CDK1: variants seen among roughly 807,000 people sequenced by gnomAD.
The protein encoded by CDK1 is cyclin dependent kinase 1, also known as cyclin-dependent kinase 1.
In CDK1, 5 loss-of-function variants were observed where a neutral mutation model predicts 34.6. The ratio of observed to expected loss-of-function variants is 0.14; its 90% CI spans 0.08 to 0.30. CDK1 has a LOEUF of 0.30. CDK1 is among the 10% of genes least tolerant of loss of function. The probability of loss-of-function intolerance (pLI) is 1.00; values close to 1 mark genes in which losing one functional copy is unlikely to be tolerated. For missense variants in CDK1, 157 were observed against 345.7 expected, an observed-to-expected ratio of 0.45 and a Z score of 4.33; for synonymous variants, 108 against 114.7, an observed-to-expected ratio of 0.94 and a Z score of 0.37.
intron 7 of CDK1, 152 bp from the exon 8 acceptor site, chr10:60,793,725 T>G (rs530314821): frequency 3.7e-6 from 2 of 543,668 alleles, no homozygotes; most frequent in South Asian, 4.9e-5. Context: ...AGGAGACATT[T>G]GTGTGTTAAA....
At chr10:60,780,108 C>T (rs1336291198) in intron 1 of CDK1, 33 bp from the exon 2 acceptor site, 1 of 983,236 alleles carries the variant, frequency 1.0e-6, no homozygotes, top group African/African-American at 1.6e-5. Context: ...GAGTTAGTGG[C>T]ATGTAATTAA....
intron 4 of CDK1, chr10:60,786,446 A>G: frequency 1.1e-5 from 7 of 661,446 alleles, no homozygotes; most frequent in Non-Finnish European, 1.3e-5. Flanking sequence ...TACATTTTTG[A>G]TATAATTAAA....
intron 6 of CDK1, 26 bp from the exon 7 acceptor site, chr10:60,792,122 G>T: frequency 1.3e-6 from 2 of 1,598,568 alleles, no homozygotes; most frequent in Non-Finnish European, 1.7e-6. Context: ...TATGCTTTAA[G>T]AAATTTTTAA....
chr10:60,778,518 A>G lies in CDK1; in HGVS notation c.-78A>G, dbSNP rs2080242142. 1 of 152,356 alleles carries G rather than the reference A, an allele frequency of 6.6e-6. No individual in the cohort carries two copies. The highest frequency in any genetic ancestry group is 2.4e-5 in the African/African-American group (1 of 41,416). The allele number at this position is 152,356 out of a possible 1,614,324, so 9.4% of individuals were successfully genotyped here. On this transcript the variant is annotated 5_prime_UTR_variant, in exon 1 of 8. Transcript: ENST00000395284. ...GCTGGCTCTTGGAAATTGAGCGGAG[A>G]GCGACGCGGTTGTTGTAGCTGCCGC... is the stretch of plus-strand genomic sequence containing the variant.
chr10:60,780,775 C>G (rs1433421993), intron 2 of CDK1, among the ~76,000 whole-genome samples: 1 of 152,046 alleles, frequency 6.6e-6, no homozygotes, highest in Non-Finnish European at 1.5e-5. Flanking sequence ...ATGTTTAGAT[C>G]TATATATGGC....
rs1200129016 is a variant in CDK1 at position 60,793,873 on chromosome 10, C to T, written c.796-4C>T. On this transcript the variant is annotated splice_region_variant and splice_polypyrimidine_tract_variant and intron_variant, in intron 7 of 7. Coordinates refer to ENST00000395284, the MANE Select transcript of CDK1 (RefSeq NM_001786.5). ...TAAATATCTCTTTTTCTTTTTTCTC[C>T]CAGAAAATGTTAATCTATGATCCAG... 6.8e-7 allele frequency: 1 copy of T among 1,468,342 alleles called. No individual in the cohort carries two copies. The highest frequency in any genetic ancestry group is 9.3e-7 in the Non-Finnish European group (1 of 1,076,540). 91.0% of individuals were successfully genotyped at this position (1,468,342 alleles called of 1,614,324 possible). A position where few individuals can be genotyped will look rare whatever the true frequency, so the allele number is the denominator to read the frequency against.
intron 5 of CDK1, among the ~76,000 whole-genome samples, chr10:60,790,435 G>A (rs1168845024): frequency 2.6e-5 from 4 of 152,086 alleles, no homozygotes; most frequent in Non-Finnish European, 5.9e-5. Context: ...TTTTAGAGAC[G>A]GGGCTGTCAG....
intron 4 of CDK1, among the ~76,000 whole-genome samples, chr10:60,787,422 A>G (rs564952894): frequency 1.1e-4 from 17 of 152,126 alleles, no homozygotes; most frequent in Non-Finnish European, 2.1e-4. Context: ...TTTGAACACC[A>G]CTTGTCCCTC....
chr10:60,789,559 C>A lies in CDK1; in HGVS notation c.489+1329C>A, dbSNP rs1042635414. ...ACAGAATTTCATTCTTTTTTTATGG[C>A]TGAGTAGTATTCTAGTATTCCATTG... is the stretch of plus-strand genomic sequence containing the variant. On this transcript the variant is annotated intron_variant, in intron 5 of 7. Coordinates refer to ENST00000395284, the MANE Select transcript of CDK1 (RefSeq NM_001786.5). Among the ~76,000 whole-genome samples the A allele has an allele frequency of 3.2e-4, 49 of 151,990 alleles. 1 individual carries two copies. Among genetic ancestry groups the A allele is most frequent in the Admixed American group, 2.9e-3 (45 of 15,258 alleles).
chr10:60,791,975 C>T lies in CDK1; in HGVS notation c.575C>T (p.Thr192Ile). Residue 192 changes from threonine (T) to isoleucine (I), a missense_variant, in exon 6 of 8, where the codon ACC becomes ATC. Physicochemically the swap from Thr to Ile is moderately conservative, Grantham distance 89 (BLOSUM62 -1). This residue lies in a region of CDK1 where 102 missense variants were observed against 233.6 expected (regional missense o/e 0.44). Coordinates refer to ENST00000395284, the MANE Select transcript of CDK1 (RefSeq NM_001786.5). ...CCAGTTGACATTTGGAGTATAGGCACCATATTTGCTGAACTAGCAACTAAG... is the reference window on the plus strand; with the variant it reads ...CCAGTTGACATTTGGAGTATAGGCATCATATTTGCTGAACTAGCAACTAAG... ...STPVDIWSIG[T>I]IFAELATKKP... 6.2e-7 allele frequency: 1 copy of T among 1,610,762 alleles called. No individual in the cohort carries two copies. Among genetic ancestry groups the T allele is most frequent in the Non-Finnish European group, 8.5e-7 (1 of 1,177,156 alleles).
At chr10:60,783,705 C>T (rs1183435737) in intron 2 of CDK1, 2 of 152,264 alleles carry the variant, frequency 1.3e-5, no homozygotes, top group East Asian at 3.9e-4. Flanking sequence ...AGCTAGTCTT[C>T]TCCCTTATTG....
chr10:60,792,364 A>G (rs2080366641), intron 7 of CDK1, 75 bp downstream of exon 7: 1 of 1,337,496 alleles, frequency 7.5e-7, no homozygotes, highest in African/African-American at 1.5e-5. Flanking sequence ...TTTTGCCTAG[A>G]AAATAGGAAG....
chr10:60,793,976 CT>C lies in CDK1; in HGVS notation c.*4del. The C allele has an allele frequency of 3.4e-6, 5 of 1,463,414 alleles. No individual in the cohort carries two copies. The highest frequency in any genetic ancestry group is 4.6e-6 in the Non-Finnish European group (5 of 1,085,884). 90.7% of individuals were successfully genotyped at this position (1,463,414 alleles called of 1,614,324 possible). A position where few individuals can be genotyped will look rare whatever the true frequency, so the allele number is the denominator to read the frequency against. The stretch of plus-strand genomic sequence containing the variant: ...GGACAATCAGATTAAGAAGATGTAG[CT>C]TTCTGACAAAAAGTTTCCATATGTT... On this transcript the variant is annotated 3_prime_UTR_variant, in exon 8 of 8. Transcript: ENST00000395284.
chr10:60,780,455 T>C lies in CDK1; in HGVS notation c.37+253T>C, dbSNP rs3213029. Among the ~76,000 whole-genome samples the C allele has an allele frequency of 8.9e-3, 1,358 of 152,272 alleles. 18 individuals are homozygous for C. The highest frequency in any genetic ancestry group is 0.031 in the African/African-American group (1,300 of 41,552). ...ACAGTCTTCTGATACTAAACACTTATAGTAGTACTTGTATTTTGAAGACAC... is the reference window on the plus strand; with the variant it reads ...ACAGTCTTCTGATACTAAACACTTACAGTAGTACTTGTATTTTGAAGACAC... On this transcript the variant is annotated intron_variant, in intron 2 of 7. Transcript: ENST00000395284.
chr10:60,779,325 G>T (rs1182925807), intron 1 of CDK1, among the ~76,000 whole-genome samples: 2 of 151,988 alleles, frequency 1.3e-5, no homozygotes, highest in Admixed American at 6.6e-5. Flanking sequence ...AGGTAATTAT[G>T]CCTGGAGTTC....
intron 1 of CDK1, 78 bp from the exon 2 acceptor site, chr10:60,780,063 T>C: frequency 1.4e-6 from 1 of 732,730 alleles, no homozygotes; most frequent in Non-Finnish European, 2.5e-6. Flanking sequence ...GAAAATGCTT[T>C]ACATATAGTG....
intron 5 of CDK1, among the ~76,000 whole-genome samples, chr10:60,788,851 A>G (rs2080336216): frequency 6.6e-6 from 1 of 152,144 alleles, no homozygotes; most frequent in Admixed American, 6.5e-5. Context: ...CTGTCTCCAG[A>G]TCAAAACTAG....
At chr10:60,779,547 C>T (rs2132059960) in intron 1 of CDK1, among the ~76,000 whole-genome samples, 1 of 152,156 alleles carries the variant, frequency 6.6e-6, no homozygotes, top group African/African-American at 2.4e-5. Context: ...GGAAAAAGTA[C>T]CTTGAAAGTC....
intron 5 of CDK1, among the ~76,000 whole-genome samples, chr10:60,788,727 C>T (rs1387853933): frequency 6.6e-6 from 1 of 151,944 alleles, no homozygotes; most frequent in Non-Finnish European, 1.5e-5. Flanking sequence ...TATGTTTGAT[C>T]TGTGTTATAT....
Sources: allele counts gnomAD v4.1 joint callset (sites outside exome capture counted in the v4.1 genomes callset), GRCh38; gene constraint gnomAD v4.1.1; regional missense constraint gnomAD v4.1.1; transcripts MANE v1.5; gene names NCBI Gene and HGNC (gene_info 2026-07-23, HGNC 2026-07-21).